The following POTEJ variants were observed in gnomAD, a reference collection of about 807,000 sequenced individuals.
POTEJ encodes POTE ankyrin domain family, member J.
POTEJ carries 11 observed loss-of-function variants against 69.0 expected under a neutral mutation model. The ratio of observed to expected loss-of-function variants is 0.16; its 90% CI spans 0.10 to 0.26. The LOEUF (loss-of-function observed/expected upper bound fraction) is 0.26. Ranked by LOEUF, POTEJ falls within the 10% of genes least tolerant of loss-of-function variation. POTEJ has a pLI of 1.00. For missense variants in POTEJ, 327 were observed against 1,045.5 expected, an observed-to-expected ratio of 0.31 and a Z score of 9.48; for synonymous variants, 117 against 381.1, an observed-to-expected ratio of 0.31 and a Z score of 8.07.
At chr2:130,622,036 G>A (rs1685565226) in intron 5 of POTEJ, among the ~76,000 whole-genome samples, 1 of 48,122 alleles carries the variant, frequency 2.1e-5, no homozygotes, top group East Asian at 4.7e-4. Context: ...TAAATCCAAG[G>A]AAGACAGTCC....
intron 9 of POTEJ, among the ~76,000 whole-genome samples, chr2:130,635,202 T>C (rs1466667590): frequency 1.6e-5 from 2 of 121,402 alleles, no homozygotes; most frequent in African/African-American, 6.4e-5. Flanking sequence ...AGTTTGACTC[T>C]GTCCCCCAGG....
intron 13 of POTEJ, among the ~76,000 whole-genome samples, chr2:130,648,781 G>GTTTTTTTTTTT (rs761289482): frequency 1.2e-5 from 1 of 81,790 alleles, no homozygotes; most frequent in African/African-American, 5.5e-5. Flanking sequence ...CTTTCTCATA[G>GTTTTTTTTTTT]TTTTTTTTTT....
intron 8 of POTEJ, among the ~76,000 whole-genome samples, chr2:130,632,229 C>T (rs1194780638): frequency 6.6e-6 from 1 of 150,600 alleles, no homozygotes. Context: ...TGAAGGAGGG[C>T]CCTTTTTGAA....
chr2:130,655,301 C>T (rs1349743980), intron 14 of POTEJ, among the ~76,000 whole-genome samples: 1,939 of 148,714 alleles, frequency 0.013, 2 homozygotes, highest in African/African-American at 0.048. Context: ...TAAGAATTGA[C>T]GATCTTTCCA....
intron 11 of POTEJ, among the ~76,000 whole-genome samples, 162 bp from the exon 12 acceptor site, chr2:130,645,575 A>G (rs1250710032): frequency 2.7e-5 from 4 of 145,578 alleles, no homozygotes; most frequent in African/African-American, 5.0e-5. Context: ...AATTTTAATT[A>G]TTATTTATTT....
At chr2:130,641,518 C>T (rs1686372548) in intron 10 of POTEJ, among the ~76,000 whole-genome samples, 1 of 149,812 alleles carries the variant, frequency 6.7e-6, no homozygotes. Flanking sequence ...AAAACAGAGG[C>T]AGAAGAGAGG....
At chr2:130,651,986 T>C (rs1686825593) in intron 13 of POTEJ, among the ~76,000 whole-genome samples, 1 of 129,882 alleles carries the variant, frequency 7.7e-6, no homozygotes, top group Admixed American at 7.2e-5. Flanking sequence ...CCCCCCCCAA[T>C]AGTTTGGCTT....
chr2:130,613,257 CATATAT>C lies in POTEJ; in HGVS notation c.410+1317_410+1322del, dbSNP rs1416609904. 3.0e-5 allele frequency among the ~76,000 whole-genome samples: 3 copies of C among 99,094 alleles called. 1 individual carries two copies. Among genetic ancestry groups the C allele is most frequent in the African/African-American group, 4.5e-5 (1 of 22,014 alleles). The allele number at this position is 99,094 out of a possible 152,430, so 65.0% of individuals were successfully genotyped here. On this transcript the variant is annotated intron_variant, in intron 1 of 14. Transcript: ENST00000409602. The stretch of plus-strand genomic sequence containing the variant: ...ATACATATATATACATATATATACA[CATATAT>C]ACATATATATACATATGTATATATA...
chr2:130,633,654 C>T (rs1387346858), intron 9 of POTEJ, among the ~76,000 whole-genome samples: 6 of 146,790 alleles, frequency 4.1e-5, no homozygotes, highest in South Asian at 2.1e-4. Flanking sequence ...GCTATATTGA[C>T]GCTGTACCTT....
chr2:130,618,774 C>CTTTTTTTTTT (rs1204750696), intron 3 of POTEJ, among the ~76,000 whole-genome samples: 7 of 32,210 alleles, frequency 2.2e-4, no homozygotes, highest in Admixed American at 4.1e-4. Context: ...ATTAATCTGA[C>CTTTTTTTTTT]TTTTTTTTTT....
intron 5 of POTEJ, chr2:130,623,090 A>T (rs1262742829): frequency 7.8e-5 from 11 of 140,318 alleles, no homozygotes; most frequent in East Asian, 2.0e-4. Context: ...GAGATGACTT[A>T]GACCTGAATA....
intron 9 of POTEJ, among the ~76,000 whole-genome samples, chr2:130,634,312 A>C (rs1457406670): frequency 2.7e-5 from 4 of 148,154 alleles, no homozygotes; most frequent in African/African-American, 1.0e-4. Flanking sequence ...ATATTTTTCC[A>C]CAGTGACTTC....
intron 10 of POTEJ, among the ~76,000 whole-genome samples, chr2:130,641,413 T>G (rs1468601434): frequency 6.7e-6 from 1 of 148,542 alleles, no homozygotes; most frequent in Non-Finnish European, 1.5e-5. Context: ...TTGCTTAATT[T>G]TTTTCCTGTA....
At chr2:130,639,169 G>A (rs757030718) in intron 10 of POTEJ, among the ~76,000 whole-genome samples, 10,417 of 134,848 alleles carry the variant, frequency 0.077, 7 homozygotes, top group African/African-American at 0.11. Flanking sequence ...TGCCTGCTGC[G>A]CACCTCCTCC....
At chr2:130,644,476 T>A (rs117805293) in intron 11 of POTEJ, among the ~76,000 whole-genome samples, 3,363 of 150,086 alleles carry the variant, frequency 0.022, 2 homozygotes, top group East Asian at 0.13. Context: ...CTGAAAAAAA[T>A]ATATATATAT....
chr2:130,640,304 A>G (rs1686300580), intron 10 of POTEJ, among the ~76,000 whole-genome samples: 1 of 141,454 alleles, frequency 7.1e-6, no homozygotes, highest in Non-Finnish European at 1.5e-5. Flanking sequence ...TATTACCAAA[A>G]GTGTGAGATA....
rs1573993245 is a variant in POTEJ at position 130,645,674 on chromosome 2, C to G, written c.1441-63C>G. 6.1e-6 allele frequency: 2 copies of G among 327,036 alleles called. 1 individual carries two copies. The highest frequency in any genetic ancestry group is 4.8e-5 in the African/African-American group (2 of 41,544). 20.3% of individuals were successfully genotyped at this position (327,036 alleles called of 1,614,324 possible). A position where few individuals can be genotyped will look rare whatever the true frequency, so the allele number is the denominator to read the frequency against. ...TAAAATTATTTTAAAAACATGCACT[C>G]CAAAAGAGGAAATGTCACAGAAATA... On this transcript the variant is annotated intron_variant, in intron 11 of 14. Transcript: ENST00000409602.
At chr2:130,640,689 G>A (rs1329335529) in intron 10 of POTEJ, among the ~76,000 whole-genome samples, 1 of 151,958 alleles carries the variant, frequency 6.6e-6, no homozygotes, top group African/African-American at 2.4e-5. Context: ...CATGCAAGGG[G>A]CTTCCTGTAA....
intron 13 of POTEJ, among the ~76,000 whole-genome samples, chr2:130,648,781 GTTTTTTTTTTTTT>G (rs761289482): frequency 1.7e-4 from 14 of 81,834 alleles, no homozygotes; most frequent in African/African-American, 6.6e-4. Flanking sequence ...CTTTCTCATA[GTTTTTTTTTTTTT>G]TTTTTTTTTT....
Sources: allele counts gnomAD v4.1 joint callset (sites outside exome capture counted in the v4.1 genomes callset), GRCh38; gene constraint gnomAD v4.1.1; transcripts MANE v1.5; gene names NCBI Gene and HGNC (gene_info 2026-07-23, HGNC 2026-07-21).